Variants in SNX24 observed in about 807,000 individuals in gnomAD.
SNX24 encodes the protein sorting nexin 24.
A neutral mutation model predicts 28.7 loss-of-function variants in SNX24; 22 were observed. That is an observed-to-expected ratio of 0.77 (90% CI 0.55 to 1.10). SNX24 has a LOEUF of 1.10. SNX24 is among the 50% of genes least tolerant of loss of function. The pLI, the probability that SNX24 is intolerant of heterozygous loss-of-function variation, is 0.00. For missense variants in SNX24, 221 were observed against 201.1 expected (o/e 1.10, Z -0.60); for synonymous variants, 69 against 71.5 (o/e 0.96, Z 0.18).
Position 122,980,502 on chromosome 5 carries a change from A to G in SNX24, c.250-19410A>G, listed in dbSNP as rs1761346111. ...ATAAAGAGTTTGGGGTTGAAATTTA[A>G]TTTACTTTCTTCTATAACAAAATGA... On this transcript the variant is annotated intron_variant, in intron 3 of 6. Coordinates refer to ENST00000261369, the MANE Select transcript of SNX24 (RefSeq NM_014035.4). 1.3e-5 allele frequency among the ~76,000 whole-genome samples: 2 copies of G among 152,010 alleles called. 1 individual carries two copies. The highest frequency in any genetic ancestry group is 4.2e-4 in the South Asian group (2 of 4,814).
chr5:122,953,455 C>CAA (rs1760056412), intron 3 of SNX24, among the ~76,000 whole-genome samples: 1 of 151,604 alleles, frequency 6.6e-6, no homozygotes, highest in Non-Finnish European at 1.5e-5. Flanking sequence ...CAAAGAATGA[C>CAA]AGAATCCTTG....
intron 1 of SNX24, among the ~76,000 whole-genome samples, chr5:122,849,137 C>T (rs1754783874): frequency 6.6e-6 from 1 of 152,160 alleles, no homozygotes; most frequent in African/African-American, 2.4e-5. Context: ...GTGGTATTTC[C>T]AGCCCTTTAC....
chr5:122,906,760 G>A (rs1209314466), intron 1 of SNX24, among the ~76,000 whole-genome samples: 2 of 152,112 alleles, frequency 1.3e-5, no homozygotes, highest in African/African-American at 2.4e-5. Flanking sequence ...CGCCCGCCTC[G>A]GACTCCCAAA....
At chr5:122,971,300 A>G (rs1215543059) in intron 3 of SNX24, among the ~76,000 whole-genome samples, 2 of 152,196 alleles carry the variant, frequency 1.3e-5, no homozygotes, top group South Asian at 2.1e-4. Context: ...GCAGATGATC[A>G]CATGCTGCCC....
chr5:122,900,619 A>G (rs1043639898), intron 1 of SNX24, among the ~76,000 whole-genome samples: 3 of 151,914 alleles, frequency 2.0e-5, no homozygotes, highest in Non-Finnish European at 4.4e-5. Context: ...AATATAAAAA[A>G]TCAGCCAGGT....
intron 1 of SNX24, among the ~76,000 whole-genome samples, chr5:122,912,475 C>G (rs1158786833): frequency 1.3e-5 from 2 of 152,102 alleles, no homozygotes; most frequent in Admixed American, 1.3e-4. Flanking sequence ...CTTCTCCTGC[C>G]TCATTGCCCT....
intron 1 of SNX24, among the ~76,000 whole-genome samples, chr5:122,915,482 C>T (rs1758119443): frequency 6.6e-6 from 1 of 152,058 alleles, no homozygotes; most frequent in African/African-American, 2.4e-5. Context: ...AATAAATTAG[C>T]CAGGCCTGGT....
At chr5:123,024,097 G>A in intron 5 of SNX24, 1 of 1,464,518 alleles carries the variant, frequency 6.8e-7, no homozygotes, top group Admixed American at 2.2e-5. Flanking sequence ...AGCCCAAGTG[G>A]GAAGGAAATA....
intron 3 of SNX24, among the ~76,000 whole-genome samples, chr5:122,988,417 G>A (rs555303214): frequency 6.6e-6 from 1 of 152,110 alleles, no homozygotes; most frequent in Non-Finnish European, 1.5e-5. Flanking sequence ...GATAGGAAAC[G>A]TTTGCTCAAA....
At chr5:122,925,569 C>G (rs936178002) in intron 1 of SNX24, among the ~76,000 whole-genome samples, 1 of 152,042 alleles carries the variant, frequency 6.6e-6, no homozygotes, top group Non-Finnish European at 1.5e-5. Context: ...AGGCCTTGGT[C>G]TTTATTTTCA....
At chr5:122,896,616 T>C (rs1005622723) in intron 1 of SNX24, among the ~76,000 whole-genome samples, 1 of 152,200 alleles carries the variant, frequency 6.6e-6, no homozygotes, top group Non-Finnish European at 1.5e-5. Flanking sequence ...TCATATTTTT[T>C]GCAGCTGCTT....
intron 1 of SNX24, among the ~76,000 whole-genome samples, chr5:122,874,930 T>G (rs1052304403): frequency 2.6e-5 from 4 of 152,232 alleles, no homozygotes; most frequent in African/African-American, 4.8e-5. Flanking sequence ...AACACATAAT[T>G]GGTTCAGTAG....
intron 3 of SNX24, among the ~76,000 whole-genome samples, chr5:122,982,010 G>T (rs1411684442): frequency 1.3e-5 from 2 of 152,254 alleles, no homozygotes; most frequent in African/African-American, 4.8e-5. Flanking sequence ...GGAAGCGGAA[G>T]AGAGTAATGT....
At chr5:122,856,019 T>A (rs1755174004) in intron 1 of SNX24, among the ~76,000 whole-genome samples, 1 of 152,174 alleles carries the variant, frequency 6.6e-6, no homozygotes, top group Admixed American at 6.5e-5. Context: ...GTTATATGGG[T>A]AAATTGCATG....
intron 1 of SNX24, among the ~76,000 whole-genome samples, chr5:122,921,922 C>G (rs193539): frequency 0.77 from 117,181 of 152,142 alleles, 46,007 homozygotes; most frequent in East Asian, 0.99. Context: ...ATGTAACTAG[C>G]AGAATCTCTT....
intron 1 of SNX24, among the ~76,000 whole-genome samples, chr5:122,866,004 A>G (rs573514778): frequency 3.3e-5 from 5 of 152,336 alleles, no homozygotes; most frequent in African/African-American, 9.6e-5. Context: ...CATATGCTAC[A>G]TGATAAGGGG....
chr5:122,944,820 A>G (rs989000270), intron 2 of SNX24, among the ~76,000 whole-genome samples: 11 of 152,162 alleles, frequency 7.2e-5, no homozygotes, highest in Non-Finnish European at 1.3e-4. Context: ...TTAGCTGCCC[A>G]GGTTTAATTG....
At chr5:122,909,632 T>G (rs1169945340) in intron 1 of SNX24, among the ~76,000 whole-genome samples, 7 of 152,182 alleles carry the variant, frequency 4.6e-5, no homozygotes, top group African/African-American at 1.7e-4. Context: ...CTAGGGTGGT[T>G]CATCACTGCC....
At chr5:122,918,619 C>T (rs929790146) in intron 1 of SNX24, among the ~76,000 whole-genome samples, 1 of 152,050 alleles carries the variant, frequency 6.6e-6, no homozygotes, top group Non-Finnish European at 1.5e-5. Context: ...AGTACACAGC[C>T]TAGCATAGAT....
Sources: gnomAD v4.1 joint callset for allele counts (sites outside exome capture counted in the v4.1 genomes callset) on GRCh38, gnomAD v4.1.1 for gene constraint, MANE v1.5 for transcripts, NCBI Gene and HGNC (gene_info 2026-07-23, HGNC 2026-07-21) for gene names.